Variants in ZNF676 observed in about 807,000 individuals in gnomAD.
The protein encoded by ZNF676 is zinc finger protein 676.
A neutral mutation model predicts 6.0 loss-of-function variants in ZNF676; 4 were observed. The observed-to-expected ratio is 0.67, with a 90% CI of 0.33 to 1.53. ZNF676 has a LOEUF of 1.53. Among genes scored for constraint, ZNF676 ranks in the 40% most tolerant of loss-of-function variants. ZNF676 has a pLI of 0.06. For synonymous variants in ZNF676, 198 were observed against 223.1 expected (o/e 0.89, Z 1.00); for missense variants, 644 against 679.7 (o/e 0.95, Z 0.58).
chr19:22,254,745 G>C, the ZNF676 span, among the ~76,000 whole-genome samples: 5 of 152,312 alleles, frequency 3.3e-5, no homozygotes, highest in African/African-American at 9.6e-5. Flanking sequence ...ATCACAATCT[G>C]TTCTTGGGCA....
the ZNF676 span, among the ~76,000 whole-genome samples, chr19:22,249,701 C>T: frequency 6.6e-6 from 1 of 151,952 alleles, no homozygotes; most frequent in Non-Finnish European, 1.5e-5. Context: ...CGTGAGCCAC[C>T]ATGCCTGGCC....
the ZNF676 span, among the ~76,000 whole-genome samples, chr19:22,235,453 A>T: frequency 7.9e-5 from 12 of 152,288 alleles, no homozygotes; most frequent in Admixed American, 7.8e-4. Context: ...CCCACTAGAC[A>T]TTGTGCCTCT....
At chr19:22,255,517 G>C in the ZNF676 span, among the ~76,000 whole-genome samples, 3 of 152,136 alleles carry the variant, frequency 2.0e-5, no homozygotes, top group Admixed American at 1.3e-4. Context: ...GTTCAGATAG[G>C]AGAGCCCTCA....
In ZNF676 at chr19:22,191,662, C is replaced by T. The variant is rs185125717; in HGVS notation, c.130+1354G>A. Among the ~76,000 whole-genome samples the T allele has an allele frequency of 9.2e-5, 14 of 152,270 alleles. No individual in the cohort carries two copies. The East Asian group carries it at 2.3e-3, about 25-fold the overall frequency. On this transcript the variant is annotated intron_variant, in intron 2 of 2. Transcript: ENST00000397121. ...CTGTAGAAACCTGCCCTAGCGTCTA[C>T]CCTACTGAGCAACGTCCTGAAGGAT...
the ZNF676 span, among the ~76,000 whole-genome samples, chr19:22,224,752 C>T: frequency 5.3e-3 from 811 of 152,082 alleles, 5 homozygotes; most frequent in Non-Finnish European, 8.6e-3. Context: ...CCCAGAAATT[C>T]GAGAGGTCAA....
intron 1 of ZNF676, among the ~76,000 whole-genome samples, chr19:22,215,311 T>C (rs933461946): frequency 2.0e-5 from 3 of 152,182 alleles, no homozygotes. Context: ...TTCCCATTCA[T>C]GAACCCACAC....
Position 22,181,555 on chromosome 19 carries a change from C to A in ZNF676, c.162G>T (p.Trp54Cys). Residue 54 changes from tryptophan (W) to cysteine (C), a missense_variant, in exon 3 of 3, where the codon TGG becomes TGT. Physicochemically the swap from Trp to Cys is radical, Grantham distance 215. Transcript: ENST00000397121. ...AAGAATCTTCTATGCCTTGCTCTGG[C>A]CAAAACTCTTGGGAAAAATGAGAAC... Reference protein sequence around the residue: ...VICSHFSQEFWPEQGIEDSFQ... With the variant: ...VICSHFSQEFCPEQGIEDSFQ... The A allele has an allele frequency of 6.3e-7, 1 of 1,578,800 alleles. No homozygotes were observed. Among genetic ancestry groups the A allele is most frequent in the Non-Finnish European group, 8.6e-7 (1 of 1,166,030 alleles).
intron 1 of ZNF676, among the ~76,000 whole-genome samples, chr19:22,207,983 T>TAAAAAAAA (rs59890557): frequency 7.7e-6 from 1 of 129,210 alleles, no homozygotes; most frequent in African/African-American, 2.8e-5. Flanking sequence ...TTAAAAATTA[T>TAAAAAAAA]AAAAAAAAAA....
At chr19:22,214,598 CAAAAAAAAA>C (rs71924274) in intron 1 of ZNF676, among the ~76,000 whole-genome samples, 2 of 86,972 alleles carry the variant, frequency 2.3e-5, no homozygotes, top group South Asian at 4.5e-4. Context: ...GACTTGGTCT[CAAAAAAAAA>C]AAAAAAAAAA....
chr19:22,180,179 G>C lies in ZNF676; in HGVS notation c.1538C>G (p.Ala513Gly). The change falls in exon 3 of 3, where the codon GCC (alanine) becomes GGC (glycine). Residue 513 changes from alanine to glycine, a missense_variant. By Grantham distance (60) the Ala-to-Gly change is moderately conservative. Around this residue, in one of 5 missense-constraint regions of ZNF676, gnomAD observed 306 missense variants for 265.4 expected, o/e 1.15. Transcript: ENST00000397121. ...AGTAAGGATCGAGGACCAGCTGAAG[G>C]CTTTGCCACATTCTTCACATTTGTA... ...KRYKCEECGKAFSWSSILTEH... is the reference protein window; with the variant it reads ...KRYKCEECGKGFSWSSILTEH... 6.2e-7 allele frequency: 1 copy of C among 1,613,168 alleles called. No individual in the cohort carries two copies. Among genetic ancestry groups the C allele is most frequent in the Non-Finnish European group, 8.5e-7 (1 of 1,179,752 alleles).
intron 1 of ZNF676, among the ~76,000 whole-genome samples, chr19:22,213,895 C>A (rs1216553679): frequency 1.3e-5 from 2 of 152,150 alleles, no homozygotes; most frequent in Non-Finnish European, 2.9e-5. Context: ...GACACGTCTC[C>A]CTATAACTTT....
At chr19:22,247,563 T>TC in the ZNF676 span, among the ~76,000 whole-genome samples, 4 of 146,236 alleles carry the variant, frequency 2.7e-5, no homozygotes, top group South Asian at 8.6e-4. Flanking sequence ...AAACTCTGGC[T>TC]CAAAAAAAAA....
intron 1 of ZNF676, among the ~76,000 whole-genome samples, chr19:22,207,797 C>A (rs2024090678): frequency 6.6e-6 from 1 of 152,006 alleles, no homozygotes; most frequent in Non-Finnish European, 1.5e-5. Context: ...ATGCCACACA[C>A]CTAAAACCAT....
chr19:22,228,357 A>G, the ZNF676 span, among the ~76,000 whole-genome samples: 1 of 152,328 alleles, frequency 6.6e-6, no homozygotes. Context: ...AACATATCTC[A>G]AAATAATAAA....
At chr19:22,216,914 G>T (rs931531227), upstream of ZNF676, among the ~76,000 whole-genome samples, 1 of 144,722 alleles carries the variant, frequency 6.9e-6, no homozygotes, top group African/African-American at 2.6e-5. Flanking sequence ...CATTCTGGGT[G>T]ACAAGAGTGA....
At chr19:22,228,373 T>C in the ZNF676 span, among the ~76,000 whole-genome samples, 1 of 152,182 alleles carries the variant, frequency 6.6e-6, no homozygotes, top group East Asian at 1.9e-4. Context: ...ATAAAAGCTA[T>C]TTATGACAGA....
chr19:22,198,936 T>C (rs2023998321), upstream of ZNF676, among the ~76,000 whole-genome samples: 1 of 151,908 alleles, frequency 6.6e-6, no homozygotes, highest in Admixed American at 6.6e-5. Flanking sequence ...TATTATGAAT[T>C]CCTCATACTT....
chr19:22,201,254 G>T (rs889707826), upstream of ZNF676, among the ~76,000 whole-genome samples: 14 of 152,112 alleles, frequency 9.2e-5, no homozygotes, highest in African/African-American at 3.4e-4. Flanking sequence ...TACAGATTCT[G>T]CCATCAGATT....
chr19:22,237,728 A>G, the ZNF676 span, among the ~76,000 whole-genome samples: 29 of 152,254 alleles, frequency 1.9e-4, no homozygotes, highest in African/African-American at 7.0e-4. Flanking sequence ...ACTACTGGGG[A>G]TGGGGAAGCT....
Sources: gnomAD v4.1 joint callset for allele counts (sites outside exome capture counted in the v4.1 genomes callset) on GRCh38, gnomAD v4.1.1 for gene constraint, gnomAD v4.1.1 regional missense constraint, MANE v1.5 for transcripts, NCBI Gene and HGNC (gene_info 2026-07-23, HGNC 2026-07-21) for gene names.